Variants in CRPPA observed in about 807,000 individuals in gnomAD.
CRPPA encodes D-ribitol-5-phosphate cytidylyltransferase.
A neutral mutation model predicts 52.0 loss-of-function variants in CRPPA; 43 were observed. The ratio of observed to expected loss-of-function variants is 0.83; its 90% CI spans 0.65 to 1.07. The LOEUF is 1.07. Ranked by LOEUF, CRPPA falls within the 50% of genes least tolerant of loss-of-function variation. The probability of loss-of-function intolerance (pLI) is 0.00; values close to 1 mark genes in which losing one functional copy is unlikely to be tolerated. For synonymous variants in CRPPA, 250 were observed against 203.5 expected (o/e 1.23, Z -1.94); for missense variants, 629 against 551.7 (o/e 1.14, Z -1.40).
At chr7:16,186,560 G>A (rs551094777) in intron 9 of CRPPA, among the ~76,000 whole-genome samples, 1 of 152,168 alleles carries the variant, frequency 6.6e-6, no homozygotes, top group East Asian at 1.9e-4. Flanking sequence ...AAGACAGAGG[G>A]GGAATAGAAT....
chr7:16,315,849 C>T (rs530904847), intron 3 of CRPPA, among the ~76,000 whole-genome samples: 1 of 152,276 alleles, frequency 6.6e-6, no homozygotes, highest in African/African-American at 2.4e-5. Context: ...AAGGAGATTT[C>T]TGCTCTGGTA....
rs187917290 is a variant in CRPPA at position 16,304,515 on chromosome 7, C to A, written c.790-3049G>T. ...AATCAGCCGTGCATGGTGGCAGGCA[C>A]CTATAGTCCTAGCTATTTGGGAGGC... On this transcript the variant is annotated intron_variant, in intron 4 of 9. Coordinates refer to ENST00000407010, the MANE Select transcript of CRPPA (RefSeq NM_001101426.4). Among the ~76,000 whole-genome samples the A allele has an allele frequency of 9.5e-4, 144 of 152,192 alleles. 1 individual carries two copies. The highest frequency in any genetic ancestry group is 3.4e-3 in the African/African-American group (141 of 41,508).
chr7:16,105,657 C>A (rs1388585541), intron 9 of CRPPA, among the ~76,000 whole-genome samples: 1 of 152,062 alleles, frequency 6.6e-6, no homozygotes, highest in African/African-American at 2.4e-5. Context: ...AACCTCATAA[C>A]CCACCCACAA....
intron 8 of CRPPA, among the ~76,000 whole-genome samples, chr7:16,216,735 G>T (rs1330258609): frequency 6.6e-6 from 1 of 151,804 alleles, no homozygotes; most frequent in Non-Finnish European, 1.5e-5. Flanking sequence ...TTTCGGACCA[G>T]CTTAAAAAAC....
At position 16,090,308 on chromosome 7, in the gene CRPPA, T is replaced by C. The variant is rs770814630; in HGVS notation, c.*1387A>G. 6.6e-6 allele frequency: 1 copy of C among 152,056 alleles called. No individual in the cohort carries two copies. Among genetic ancestry groups the C allele is most frequent in the East Asian group, 1.9e-4 (1 of 5,194 alleles). 9.4% of individuals were successfully genotyped at this position (152,056 alleles called of 1,614,324 possible). ...ATCACCCAACATGTTAAATAAAAAT[T>C]CCACAAGGTAGATATTGTATAGTGT... On this transcript the variant is annotated 3_prime_UTR_variant, in exon 10 of 10. Coordinates refer to ENST00000407010, the MANE Select transcript of CRPPA (RefSeq NM_001101426.4).
intron 5 of CRPPA, among the ~76,000 whole-genome samples, chr7:16,287,686 C>T (rs1784478595): frequency 6.6e-6 from 1 of 152,058 alleles, no homozygotes; most frequent in South Asian, 2.1e-4. Flanking sequence ...CTTTGGAAGG[C>T]CAAAGCGAAT....
intron 8 of CRPPA, among the ~76,000 whole-genome samples, chr7:16,248,816 A>G (rs1423818156): frequency 6.6e-6 from 1 of 152,086 alleles, no homozygotes; most frequent in Non-Finnish European, 1.5e-5. Flanking sequence ...TAGCCAAGGG[A>G]AGCCATGACA....
chr7:16,400,201 A>T (rs1406537856), intron 2 of CRPPA, among the ~76,000 whole-genome samples: 1 of 152,184 alleles, frequency 6.6e-6, no homozygotes, highest in Non-Finnish European at 1.5e-5. Flanking sequence ...CGATTGAAAC[A>T]TGGTTGGCAT....
chr7:16,381,303 G>C (rs994784110), intron 2 of CRPPA, among the ~76,000 whole-genome samples: 1 of 152,122 alleles, frequency 6.6e-6, no homozygotes, highest in African/African-American at 2.4e-5. Flanking sequence ...GAGTGGTTTT[G>C]AGTGAGTTTC....
At chr7:16,277,540 G>A (rs1449033569) in intron 6 of CRPPA, among the ~76,000 whole-genome samples, 1 of 152,030 alleles carries the variant, frequency 6.6e-6, no homozygotes, top group African/African-American at 2.4e-5. Flanking sequence ...AATAAGTGTG[G>A]CAAAGAAAAT....
chr7:16,098,968 T>C (rs1420849962), intron 9 of CRPPA, among the ~76,000 whole-genome samples: 2 of 152,224 alleles, frequency 1.3e-5, no homozygotes, highest in African/African-American at 4.8e-5. Flanking sequence ...AAAATGCACT[T>C]GGGTTTACTG....
At chr7:16,148,335 C>G (rs1435086932) in intron 9 of CRPPA, among the ~76,000 whole-genome samples, 1 of 152,062 alleles carries the variant, frequency 6.6e-6, no homozygotes, top group Non-Finnish European at 1.5e-5. Flanking sequence ...ATCTGCACTC[C>G]TATGTTTAAT....
intron 3 of CRPPA, among the ~76,000 whole-genome samples, chr7:16,349,913 C>T (rs1374492306): frequency 6.6e-6 from 1 of 151,878 alleles, no homozygotes; most frequent in Non-Finnish European, 1.5e-5. Flanking sequence ...ATCCAAGAGA[C>T]ACTAAATAAG....
intron 3 of CRPPA, among the ~76,000 whole-genome samples, chr7:16,320,858 T>TATCATA (rs1354768378): frequency 3.3e-5 from 5 of 152,156 alleles, no homozygotes; most frequent in South Asian, 4.1e-4. Flanking sequence ...ATATCAGTCA[T>TATCATA]TTTATGAGTA....
chr7:16,397,863 A>G (rs576929798), intron 2 of CRPPA, among the ~76,000 whole-genome samples: 95 of 152,338 alleles, frequency 6.2e-4, no homozygotes, highest in African/African-American at 2.0e-3. Flanking sequence ...CACGTGATCA[A>G]CACGTGTGTA....
At chr7:16,286,097 A>AATATATATATATATATAT (rs71007759) in intron 5 of CRPPA, among the ~76,000 whole-genome samples, 27 of 39,110 alleles carry the variant, frequency 6.9e-4, no homozygotes, top group African/African-American at 4.0e-3. Flanking sequence ...TAAAAAAAAA[A>AATATATATATATATATAT]ATATATATAT....
At chr7:16,126,045 C>T (rs937623081) in intron 9 of CRPPA, among the ~76,000 whole-genome samples, 2 of 151,902 alleles carry the variant, frequency 1.3e-5, no homozygotes, top group African/African-American at 4.8e-5. Flanking sequence ...AAACAGAAAA[C>T]ACAGACAAAA....
chr7:16,341,575 G>A (rs954133592), intron 3 of CRPPA, among the ~76,000 whole-genome samples: 2 of 152,082 alleles, frequency 1.3e-5, no homozygotes, highest in African/African-American at 4.8e-5. Context: ...TTTTTTCAGT[G>A]TGTTACCAAC....
chr7:16,361,215 G>C (rs1313213125), intron 3 of CRPPA, among the ~76,000 whole-genome samples: 1 of 151,998 alleles, frequency 6.6e-6, no homozygotes, highest in Non-Finnish European at 1.5e-5. Context: ...AGTAACTGTT[G>C]ACAAGGATGT....
Sources: gnomAD v4.1 joint callset for allele counts (sites outside exome capture counted in the v4.1 genomes callset) on GRCh38, gnomAD v4.1.1 for gene constraint, MANE v1.5 for transcripts, NCBI Gene and HGNC (gene_info 2026-07-23, HGNC 2026-07-21) for gene names.